ZC3H12B: variants seen among roughly 807,000 people sequenced by gnomAD.
ZC3H12B encodes the protein probable ribonuclease ZC3H12B.
In ZC3H12B, 7 loss-of-function variants were observed where a neutral mutation model predicts 43.9. That is an observed-to-expected ratio of 0.16 (90% confidence interval 0.09 to 0.30). The LOEUF (loss-of-function observed/expected upper bound fraction) is 0.30. ZC3H12B is among the 10% of genes least tolerant of loss of function. The pLI, the probability that ZC3H12B is intolerant of heterozygous loss-of-function variation, is 1.00. For missense variants in ZC3H12B, 475 were observed against 670.2 expected (o/e 0.71, Z 3.22); for synonymous variants, 222 against 241.7 (o/e 0.92, Z 0.76).
the ZC3H12B span, among the ~76,000 whole-genome samples, chrX:65,200,426 CTTTTTTT>C: frequency 1.2e-4 from 7 of 59,619 alleles, no homozygotes; most frequent in South Asian, 1.4e-3. Context: ...ATAGTTTCCT[CTTTTTTT>C]TTTTTTTTTT....
chrX:65,304,322 A>G, the ZC3H12B span, among the ~76,000 whole-genome samples: 2 of 112,127 alleles, frequency 1.8e-5, no homozygotes, highest in Non-Finnish European at 3.8e-5. Context: ...GCAAAAAAAA[A>G]GAACATTTAC....
At chrX:65,152,707 T>C in the ZC3H12B span, among the ~76,000 whole-genome samples, 1 of 111,344 alleles carries the variant, frequency 9.0e-6, no homozygotes, top group Non-Finnish European at 1.9e-5. Flanking sequence ...CTACCAGACT[T>C]TCTTCACAGA....
chrX:65,269,571 C>T, the ZC3H12B span, among the ~76,000 whole-genome samples: 1 of 110,543 alleles, frequency 9.0e-6, no homozygotes, highest in Non-Finnish European at 1.9e-5. Flanking sequence ...GTGATTATGA[C>T]TTACTGTAAC....
the ZC3H12B span, among the ~76,000 whole-genome samples, chrX:65,158,933 T>G: frequency 3.6e-5 from 4 of 112,159 alleles, no homozygotes; most frequent in Non-Finnish European, 3.8e-5. Context: ...TTAATCCATC[T>G]TGAATAAATT....
chrX:65,197,956 T>G, the ZC3H12B span, among the ~76,000 whole-genome samples: 1 of 112,364 alleles, frequency 8.9e-6, no homozygotes, highest in Non-Finnish European at 1.9e-5. Context: ...CTGTTCACTC[T>G]TTTTCTCCAA....
the ZC3H12B span, among the ~76,000 whole-genome samples, chrX:65,051,449 C>G: frequency 2.7e-5 from 3 of 110,486 alleles, no homozygotes; most frequent in Non-Finnish European, 3.8e-5. Context: ...TGAGATCTTT[C>G]TTTCTTTTTT....
chrX:65,090,530 T>C, the ZC3H12B span, among the ~76,000 whole-genome samples: 6 of 112,061 alleles, frequency 5.4e-5, no homozygotes, highest in African/African-American at 1.9e-4. Context: ...GAAACAGTTG[T>C]TCTTTTTTTC....
chrX:65,442,571 G>A (rs1484303988), intron 3 of ZC3H12B, among the ~76,000 whole-genome samples: 2 of 111,458 alleles, frequency 1.8e-5, no homozygotes, highest in Non-Finnish European at 3.8e-5. Flanking sequence ...TTGGGCCTGG[G>A]CATTGTGAGC....
At chrX:65,047,712 A>G in the ZC3H12B span, among the ~76,000 whole-genome samples, 1 of 110,808 alleles carries the variant, frequency 9.0e-6, no homozygotes, top group South Asian at 3.7e-4. Context: ...TCATATTTCA[A>G]TGATATATAT....
chrX:65,054,255 G>A, the ZC3H12B span, among the ~76,000 whole-genome samples: 5 of 112,037 alleles, frequency 4.5e-5, no homozygotes, highest in South Asian at 1.1e-3. Flanking sequence ...TAACATTCAG[G>A]TCTTTAATCC....
chrX:65,458,254 A>G (rs188894324), intron 3 of ZC3H12B, among the ~76,000 whole-genome samples: 1 of 109,791 alleles, frequency 9.1e-6, no homozygotes, highest in East Asian at 2.9e-4. Context: ...CCACACAATA[A>G]TAATGGGAGA....
chrX:65,379,069 A>G, intron 2 of ZC3H12B, among the ~76,000 whole-genome samples: 1 of 112,165 alleles, frequency 8.9e-6, no homozygotes. Flanking sequence ...TTAGGTAAAC[A>G]AAGCAGCCGG....
chrX:65,268,591 A>G, the ZC3H12B span, among the ~76,000 whole-genome samples: 1 of 112,866 alleles, frequency 8.9e-6, no homozygotes, highest in Non-Finnish European at 1.9e-5. Flanking sequence ...CTAGCATGCA[A>G]GGCTGCATTA....
chrX:65,324,716 C>T, the ZC3H12B span, among the ~76,000 whole-genome samples: 1 of 111,126 alleles, frequency 9.0e-6, no homozygotes, highest in East Asian at 2.8e-4. Context: ...GTGGCTTAAC[C>T]TATGGTCTAT....
intron 2 of ZC3H12B, among the ~76,000 whole-genome samples, chrX:65,385,658 C>G (rs1383733635): frequency 9.0e-6 from 1 of 111,238 alleles, no homozygotes; most frequent in African/African-American, 3.3e-5. Context: ...CATGATTGCT[C>G]TGGCCAGAAA....
intron 2 of ZC3H12B, among the ~76,000 whole-genome samples, chrX:65,382,678 T>C (rs1363061402): frequency 1.8e-5 from 2 of 111,707 alleles, no homozygotes; most frequent in Non-Finnish European, 3.8e-5. Flanking sequence ...TGTTTGCAGA[T>C]GACATGATTG....
the ZC3H12B span, among the ~76,000 whole-genome samples, chrX:65,049,023 A>G: frequency 9.1e-6 from 1 of 110,371 alleles, no homozygotes; most frequent in Admixed American, 9.6e-5. Context: ...TAATCAGTTC[A>G]TTTTTTCTAT....
chrX:65,258,082 C>G, the ZC3H12B span, among the ~76,000 whole-genome samples: 1 of 111,521 alleles, frequency 9.0e-6, no homozygotes, highest in African/African-American at 3.3e-5. Context: ...GACACACACA[C>G]AAAAAGGAAA....
At chrX:65,171,895 A>T in the ZC3H12B span, among the ~76,000 whole-genome samples, 1 of 110,934 alleles carries the variant, frequency 9.0e-6, no homozygotes, top group Admixed American at 9.6e-5. Context: ...TTGGAAATGC[A>T]CAGTATTAGG....
Sources: gnomAD v4.1 joint callset for allele counts (sites outside exome capture counted in the v4.1 genomes callset) on GRCh38, gnomAD v4.1.1 for gene constraint, MANE v1.5 for transcripts, NCBI Gene and HGNC (gene_info 2026-07-23, HGNC 2026-07-21) for gene names.